Variants in CCDC148 observed in about 807,000 individuals in gnomAD.
CCDC148 encodes coiled-coil domain-containing protein 148.
In CCDC148, 89 loss-of-function variants were observed where a neutral mutation model predicts 85.7. That is an observed-to-expected ratio of 1.04 (90% CI 0.87 to 1.24). The LOEUF is 1.24. Ranked by LOEUF, CCDC148 falls within the 50% of genes most tolerant of loss-of-function variation. The probability of loss-of-function intolerance (pLI) is 0.00; values close to 1 mark genes in which losing one functional copy is unlikely to be tolerated. For missense variants in CCDC148, 692 were observed against 671.7 expected, an observed-to-expected ratio of 1.03 and a Z score of -0.33; for synonymous variants, 230 against 213.9, an observed-to-expected ratio of 1.08 and a Z score of -0.66.
intron 10 of CCDC148, among the ~76,000 whole-genome samples, chr2:158,230,806 G>A (rs527977578): frequency 2.1e-4 from 32 of 152,248 alleles, no homozygotes; most frequent in African/African-American, 7.7e-4. Flanking sequence ...GATCTGAGAT[G>A]TGCTTTTGAG....
chr2:158,225,563 C>G (rs1271408371), intron 10 of CCDC148, among the ~76,000 whole-genome samples: 1 of 152,182 alleles, frequency 6.6e-6, no homozygotes, highest in Non-Finnish European at 1.5e-5. Context: ...AAGTAAAGCA[C>G]TCCTCAGCAA....
rs567051585 is a variant in CCDC148 at position 158,216,007 on chromosome 2, G to A, written c.1370+4588C>T. The stretch of plus-strand genomic sequence containing the variant: ...GGGCTTCTAGCCTCCAGAATAGTGA[G>A]AAAATAAATTTCTGTTGTTCAAGTC... On this transcript the variant is annotated intron_variant, in intron 11 of 13. Coordinates refer to ENST00000283233, the MANE Select transcript of CCDC148 (RefSeq NM_138803.4). Among the ~76,000 whole-genome samples the A allele has an allele frequency of 2.6e-5, 4 of 152,210 alleles. No homozygotes were observed. In the East Asian group the frequency reaches 7.7e-4, roughly 29 times the overall value.
chr2:158,220,987 A>G (rs1423846913), intron 10 of CCDC148, among the ~76,000 whole-genome samples: 1 of 152,250 alleles, frequency 6.6e-6, no homozygotes, highest in Non-Finnish European at 1.5e-5. Context: ...TATGGCTAAA[A>G]TAATCAACTT....
chr2:158,249,934 T>C (rs1016135898), intron 10 of CCDC148, among the ~76,000 whole-genome samples: 2 of 152,088 alleles, frequency 1.3e-5, no homozygotes, highest in African/African-American at 4.8e-5. Context: ...ATAGATCAAG[T>C]CAAAACAGGT....
At chr2:158,355,163 T>C (rs1287801711) in intron 2 of CCDC148, among the ~76,000 whole-genome samples, 1 of 151,640 alleles carries the variant, frequency 6.6e-6, no homozygotes, top group Admixed American at 6.6e-5. Context: ...CTTTGAAAAC[T>C]GGCACAAGAC....
intron 7 of CCDC148, among the ~76,000 whole-genome samples, chr2:158,328,351 T>A (rs1416798207): frequency 6.6e-6 from 1 of 152,200 alleles, no homozygotes; most frequent in Non-Finnish European, 1.5e-5. Flanking sequence ...ACTCATCATT[T>A]TTTATGGCTG....
intron 1 of CCDC148, among the ~76,000 whole-genome samples, chr2:158,455,855 A>G (rs1023569741): frequency 1.2e-4 from 18 of 152,254 alleles, no homozygotes; most frequent in Non-Finnish European, 1.0e-4. Context: ...AGTAGAAGAC[A>G]TTATTAAAGC....
chr2:158,430,724 T>C (rs543263380), intron 1 of CCDC148, among the ~76,000 whole-genome samples: 5 of 152,192 alleles, frequency 3.3e-5, no homozygotes, highest in African/African-American at 1.2e-4. Context: ...CCCTGAAAAA[T>C]ATGTATCTAT....
rs545195311 is a variant in CCDC148 at position 158,292,859 on chromosome 2, G to C, written c.1110+16574C>G. ...CAGATGTAAACTATTTGAAATACAA[G>C]TAAATTATCAGAGAACATAAAGGAG... On this transcript the variant is annotated intron_variant, in intron 9 of 13. Coordinates refer to ENST00000283233, the MANE Select transcript of CCDC148 (RefSeq NM_138803.4). Among the ~76,000 whole-genome samples the C allele has an allele frequency of 3.1e-3, 478 of 152,304 alleles. 1 individual carries two copies. The highest frequency in any genetic ancestry group is 5.4e-3 in the Non-Finnish European group (364 of 68,020).
chr2:158,421,851 TAAA>T (rs1686804342), intron 1 of CCDC148, among the ~76,000 whole-genome samples: 1 of 151,514 alleles, frequency 6.6e-6, no homozygotes, highest in Non-Finnish European at 1.5e-5. Context: ...GCAAGACTAA[TAAA>T]GAAGAAAAGA....
intron 1 of CCDC148, among the ~76,000 whole-genome samples, chr2:158,432,223 AG>A (rs1687387419): frequency 6.6e-6 from 1 of 150,926 alleles, no homozygotes; most frequent in Admixed American, 6.6e-5. Context: ...ATTAAAAAAA[AG>A]ATGATGAAAA....
At chr2:158,385,069 G>T (rs895868777) in intron 1 of CCDC148, among the ~76,000 whole-genome samples, 2 of 152,142 alleles carry the variant, frequency 1.3e-5, no homozygotes, top group Non-Finnish European at 2.9e-5. Context: ...GACTACAGTT[G>T]TTTGCATTCC....
rs765641765 is a variant in CCDC148 at position 158,338,874 on chromosome 2, G to A, written c.616C>T (p.Pro206Ser). Residue 206 changes from proline (P) to serine (S), a missense_variant, in exon 7 of 14, where the codon CCG becomes TCG. Transcript: ENST00000283233. Reference sequence around the variant, plus strand: ...AATTCAATGGGCAGTTCACTAAGCGGGTTAGTCTTTTCTTCCAAAGAATGA... The same window carrying A: ...AATTCAATGGGCAGTTCACTAAGCGAGTTAGTCTTTTCTTCCAAAGAATGA... ...LDHSLEEKTN[P>S]LSELPIELES... 4 of 1,608,012 alleles carry A rather than the reference G, an allele frequency of 2.5e-6. No individual in the cohort carries two copies. Among genetic ancestry groups the A allele is most frequent in the East Asian group, 2.2e-5 (1 of 44,794 alleles).
At chr2:158,374,959 T>C (rs1175686556) in intron 1 of CCDC148, among the ~76,000 whole-genome samples, 1 of 151,818 alleles carries the variant, frequency 6.6e-6, no homozygotes. Flanking sequence ...TAAATAGTTA[T>C]GCTATATTTT....
intron 9 of CCDC148, among the ~76,000 whole-genome samples, chr2:158,290,223 T>C (rs1321112816): frequency 1.3e-5 from 2 of 151,900 alleles, no homozygotes; most frequent in Non-Finnish European, 2.9e-5. Flanking sequence ...AGCTGGGGAA[T>C]AAAGGAGGCT....
chr2:158,288,013 T>G (rs1690710588), intron 9 of CCDC148, among the ~76,000 whole-genome samples: 1 of 152,196 alleles, frequency 6.6e-6, no homozygotes, highest in South Asian at 2.1e-4. Context: ...CCCGCAGGCT[T>G]AAACATTACA....
intron 1 of CCDC148, among the ~76,000 whole-genome samples, chr2:158,411,162 G>T (rs1306725640): frequency 6.6e-6 from 1 of 152,078 alleles, no homozygotes; most frequent in Admixed American, 6.6e-5. Context: ...CCTCAGAGTA[G>T]ACCTCTTTAT....
rs1348732797 is a variant in CCDC148 at position 158,309,590 on chromosome 2, TGCTGCTCTATAGCAAAGC to T, written c.935_952del (p.Arg312_Gln317del). ...ATTCCAATTTGATATCAGGATATTT[TGCTGCTCTATAGCAAAGC>T]GATATTGGTCACAATATTTCTCGTG... On this transcript the variant is annotated inframe_deletion, in exon 9 of 14. Coordinates refer to ENST00000283233, the MANE Select transcript of CCDC148 (RefSeq NM_138803.4). 1 of 1,613,914 alleles carries T rather than the reference TGCTGCTCTATAGCAAAGC, an allele frequency of 6.2e-7. No homozygotes were observed. Among genetic ancestry groups the T allele is most frequent in the East Asian group, 2.2e-5 (1 of 44,884 alleles).
At chr2:158,329,228 C>T (rs758046277) in intron 7 of CCDC148, among the ~76,000 whole-genome samples, 1 of 152,232 alleles carries the variant, frequency 6.6e-6, no homozygotes, top group South Asian at 2.1e-4. Context: ...CAGCTTTCTA[C>T]ATATGGCTAG....
Sources: allele counts gnomAD v4.1 joint callset (sites outside exome capture counted in the v4.1 genomes callset), GRCh38; gene constraint gnomAD v4.1.1; transcripts MANE v1.5; gene names NCBI Gene and HGNC (gene_info 2026-07-23, HGNC 2026-07-21).